The following SLC41A2 variants were observed in gnomAD, a reference collection of about 807,000 sequenced individuals.
SLC41A2 encodes solute carrier family 41 member 2, also known as SLC41A1-like 1.
A neutral mutation model predicts 58.3 loss-of-function variants in SLC41A2; 32 were observed. The ratio of observed to expected loss-of-function variants is 0.55; its 90% CI spans 0.41 to 0.74. The LOEUF (loss-of-function observed/expected upper bound fraction) is 0.74, where lower values mean the gene tolerates loss of function less well. SLC41A2 is among the 30% of genes least tolerant of loss of function. The pLI is 0.00. For synonymous variants in SLC41A2, 190 were observed against 235.0 expected, an observed-to-expected ratio of 0.81 and a Z score of 1.75; for missense variants, 514 against 680.6, an observed-to-expected ratio of 0.76 and a Z score of 2.72.
chr12:104,876,206 A>G (rs908919331), intron 6 of SLC41A2, among the ~76,000 whole-genome samples: 4 of 151,862 alleles, frequency 2.6e-5, no homozygotes, highest in African/African-American at 9.7e-5. Flanking sequence ...TATATGTTAG[A>G]AGAGCCAACT....
At chr12:104,910,829 T>C (rs1253016787) in intron 2 of SLC41A2, among the ~76,000 whole-genome samples, 2 of 152,238 alleles carry the variant, frequency 1.3e-5, no homozygotes, top group Admixed American at 6.5e-5. Context: ...ATATTTTTAA[T>C]GGCCCTGCAA....
At chr12:104,817,900 T>C (rs2041476278) in intron 10 of SLC41A2, among the ~76,000 whole-genome samples, 1 of 151,982 alleles carries the variant, frequency 6.6e-6, no homozygotes, top group South Asian at 2.1e-4. Flanking sequence ...GATGCAATCA[T>C]ATATGTGGTC....
intron 10 of SLC41A2, among the ~76,000 whole-genome samples, chr12:104,840,249 G>T (rs75191704): frequency 0.018 from 2,671 of 152,282 alleles, 97 homozygotes; most frequent in African/African-American, 0.061. Flanking sequence ...TGGAGCATCC[G>T]AGTAAGTAGA....
intron 6 of SLC41A2, among the ~76,000 whole-genome samples, chr12:104,875,805 C>T (rs1210503322): frequency 6.6e-6 from 1 of 152,002 alleles, no homozygotes; most frequent in African/African-American, 2.4e-5. Context: ...GAAAATAAAA[C>T]TAAAAATAAA....
chr12:104,889,095 T>C lies in SLC41A2; in HGVS notation c.818A>G (p.Asp273Gly). The change falls in exon 5 of 11, where the codon GAT (aspartate) becomes GGT (glycine). Residue 273 changes from aspartate (D) to glycine (G), a missense_variant. This residue lies in a region of SLC41A2 where 336 missense variants were observed against 430.0 expected (regional missense o/e 0.78). Transcript: ENST00000258538. Reference protein sequence around the residue: ...GWIPEGKYYLDHSILLCSSSV... With the variant: ...GWIPEGKYYLGHSILLCSSSV... ...GCTAGAGCACAGAAGTATGGAATGA[T>C]CAAGGTAATATTTTCCTTCTGGAAT... 1.2e-6 allele frequency: 2 copies of C among 1,611,734 alleles called. No homozygotes were observed. Among genetic ancestry groups the C allele is most frequent in the Non-Finnish European group, 8.5e-7 (1 of 1,179,420 alleles).
At position 104,804,957 on chromosome 12, in the gene SLC41A2, C is replaced by T. The variant is rs1592899534; in HGVS notation, c.*195G>A. 1 of 448,310 alleles carries T rather than the reference C, an allele frequency of 2.2e-6. No homozygotes were observed. The highest frequency in any genetic ancestry group is 4.0e-6 in the Non-Finnish European group (1 of 251,306). 27.8% of individuals were successfully genotyped at this position (448,310 alleles called of 1,614,324 possible). On this transcript the variant is annotated 3_prime_UTR_variant, in exon 11 of 11. Coordinates refer to ENST00000258538, the MANE Select transcript of SLC41A2 (RefSeq NM_001352171.3). ...AAATTATCATTTATTCTATGAAAAGCAGCACGAATACTCTTCATTCTGGTT... is the reference window on the plus strand; with the variant it reads ...AAATTATCATTTATTCTATGAAAAGTAGCACGAATACTCTTCATTCTGGTT...
chr12:104,805,708 ATTAT>A (rs1163220826), intron 10 of SLC41A2, among the ~76,000 whole-genome samples: 3 of 152,160 alleles, frequency 2.0e-5, no homozygotes, highest in African/African-American at 7.2e-5. Flanking sequence ...TAAATAAGGA[ATTAT>A]TTAACAGTCT....
intron 1 of SLC41A2, among the ~76,000 whole-genome samples, chr12:104,933,994 G>A (rs1327573064): frequency 2.6e-5 from 4 of 151,906 alleles, no homozygotes; most frequent in Admixed American, 2.0e-4. Context: ...GGTGATGGGT[G>A]CGCTATCCCA....
chr12:104,868,853 A>C (rs946739405), intron 6 of SLC41A2, among the ~76,000 whole-genome samples: 2 of 152,232 alleles, frequency 1.3e-5, no homozygotes, highest in African/African-American at 2.4e-5. Flanking sequence ...ATGAACCTTG[A>C]AAACATTATG....
chr12:104,855,660 T>C (rs1382026705), intron 8 of SLC41A2, among the ~76,000 whole-genome samples: 1 of 152,200 alleles, frequency 6.6e-6, no homozygotes, highest in Non-Finnish European at 1.5e-5. Context: ...TCCTGATCAC[T>C]GAATAAACAG....
intron 6 of SLC41A2, among the ~76,000 whole-genome samples, chr12:104,877,885 T>C (rs2044132615): frequency 6.6e-6 from 1 of 151,950 alleles, no homozygotes; most frequent in Non-Finnish European, 1.5e-5. Context: ...TTGTAGTAGC[T>C]GTAGTCCCAG....
chr12:104,808,198 TG>T (rs2041006924), intron 10 of SLC41A2, among the ~76,000 whole-genome samples: 1 of 152,220 alleles, frequency 6.6e-6, no homozygotes, highest in Non-Finnish European at 1.5e-5. Flanking sequence ...ATATTGGCTG[TG>T]GGTTTGTCAT....
chr12:104,923,510 TAAAAAAATAC>T (rs2046700585), intron 2 of SLC41A2, among the ~76,000 whole-genome samples: 1 of 150,908 alleles, frequency 6.6e-6, no homozygotes, highest in Non-Finnish European at 1.5e-5. Flanking sequence ...AAATTCAGAC[TAAAAAAATAC>T]AGATCAATGA....
intron 1 of SLC41A2, among the ~76,000 whole-genome samples, chr12:104,935,448 C>T (rs114480403): frequency 0.019 from 2,892 of 151,994 alleles, 32 homozygotes; most frequent in African/African-American, 0.036. Flanking sequence ...ATCAAAATAT[C>T]ACATTACATA....
chr12:104,878,315 A>ATATATATATATATATATATATG, intron 6 of SLC41A2, among the ~76,000 whole-genome samples: 1 of 148,666 alleles, frequency 6.7e-6, no homozygotes, highest in Non-Finnish European at 1.5e-5. Flanking sequence ...ATATATATAT[A>ATATATATATATATATATATATG]TATATATATA....
At chr12:104,914,575 T>C (rs1417890460) in intron 2 of SLC41A2, among the ~76,000 whole-genome samples, 2 of 152,218 alleles carry the variant, frequency 1.3e-5, no homozygotes, top group East Asian at 1.9e-4. Flanking sequence ...GGAGACATCA[T>C]TGTGTTTCCC....
intron 1 of SLC41A2, chr12:104,931,724 C>T (rs904762583): frequency 1.3e-5 from 2 of 152,220 alleles, no homozygotes; most frequent in African/African-American, 4.8e-5. Context: ...TTCCTCCTCA[C>T]AAAGCTCCTT....
chr12:104,827,253 AT>A (rs1465969894), intron 10 of SLC41A2, among the ~76,000 whole-genome samples: 1 of 152,224 alleles, frequency 6.6e-6, no homozygotes, highest in African/African-American at 2.4e-5. Context: ...GGAGGAAGCT[AT>A]AAAAACAGGT....
chr12:104,871,432 G>A lies in SLC41A2; in HGVS notation c.1028-4853C>T, dbSNP rs924976798. Among the ~76,000 whole-genome samples the A allele has an allele frequency of 5.3e-5, 8 of 152,062 alleles. No individual in the cohort carries two copies. The East Asian group carries it at 7.7e-4, about 15-fold the overall frequency. On this transcript the variant is annotated intron_variant, in intron 6 of 10. Coordinates refer to ENST00000258538, the MANE Select transcript of SLC41A2 (RefSeq NM_001352171.3). Reference sequence around the variant, plus strand: ...ACTGTATGTTTAAAGATTACTATACGAATGTATAAATGCCTTTATATTGTC... The same window carrying A: ...ACTGTATGTTTAAAGATTACTATACAAATGTATAAATGCCTTTATATTGTC...
Sources: allele counts gnomAD v4.1 joint callset (sites outside exome capture counted in the v4.1 genomes callset), GRCh38; gene constraint gnomAD v4.1.1; regional missense constraint gnomAD v4.1.1; transcripts MANE v1.5; gene names NCBI Gene and HGNC (gene_info 2026-07-23, HGNC 2026-07-21).